Variants in CYP4F22 observed in about 807,000 individuals in gnomAD.
CYP4F22 encodes ultra-long-chain fatty acid omega-hydroxylase.
A neutral mutation model predicts 60.4 loss-of-function variants in CYP4F22; 37 were observed. That is an observed-to-expected ratio of 0.61 (90% CI 0.47 to 0.81). CYP4F22 has a LOEUF of 0.81. Ranked by LOEUF, CYP4F22 falls within the 30% of genes least tolerant of loss-of-function variation. The pLI, the probability that CYP4F22 is intolerant of heterozygous loss-of-function variation, is 0.00. For synonymous variants in CYP4F22, 258 were observed against 280.5 expected (o/e 0.92, Z 0.80); for missense variants, 655 against 715.0 (o/e 0.92, Z 0.96).
chr19:15,508,916 C>G (rs1461645223), intron 1 of CYP4F22, among the ~76,000 whole-genome samples: 4 of 152,036 alleles, frequency 2.6e-5, no homozygotes, highest in Non-Finnish European at 1.5e-5. Flanking sequence ...CCAAAAGACC[C>G]CTCTGGTAGT....
At chr19:15,542,377 A>AT (rs1321335627) in intron 8 of CYP4F22, among the ~76,000 whole-genome samples, 2 of 150,472 alleles carry the variant, frequency 1.3e-5, no homozygotes, top group Admixed American at 6.6e-5. Flanking sequence ...ACTAAAAATA[A>AT]AAAAAAAATA....
At chr19:15,519,934 C>A (rs1971201607) in intron 1 of CYP4F22, among the ~76,000 whole-genome samples, 1 of 152,184 alleles carries the variant, frequency 6.6e-6, no homozygotes. Flanking sequence ...AACAGGGAAA[C>A]TGAGGACCAG....
intron 10 of CYP4F22, 124 bp downstream of exon 10, chr19:15,544,403 AT>A (rs1038918797): frequency 1.7e-6 from 2 of 1,178,410 alleles, no homozygotes; most frequent in African/African-American, 3.1e-5. Flanking sequence ...CTGAATTGCA[AT>A]TTCTTCAGCT....
chr19:15,537,750 T>C, intron 6 of CYP4F22, 88 bp downstream of exon 6: 1 of 1,606,808 alleles, frequency 6.2e-7, no homozygotes, highest in South Asian at 1.1e-5. Context: ...CCATGTGATG[T>C]CAGGAGCCCT....
intron 8 of CYP4F22, among the ~76,000 whole-genome samples, chr19:15,542,375 T>TA (rs71176430): frequency 0.61 from 90,576 of 148,508 alleles, 28,159 homozygotes; most frequent in South Asian, 0.71. Context: ...CTACTAAAAA[T>TA]AAAAAAAAAA....
At chr19:15,524,032 C>G (rs1041156316) in intron 2 of CYP4F22, among the ~76,000 whole-genome samples, 4 of 150,338 alleles carry the variant, frequency 2.7e-5, no homozygotes, top group Non-Finnish European at 5.9e-5. Context: ...TGCACTCCAG[C>G]CTGAGTGACA....
At chr19:15,514,514 C>T (rs148535481) in intron 1 of CYP4F22, among the ~76,000 whole-genome samples, 1,603 of 152,074 alleles carry the variant, frequency 0.011, 35 homozygotes, top group African/African-American at 0.036. Flanking sequence ...GGTGAAACCC[C>T]GTCTCTATTA....
chr19:15,542,804 G>T (rs753983226), intron 8 of CYP4F22, among the ~76,000 whole-genome samples: 1 of 152,124 alleles, frequency 6.6e-6, no homozygotes, highest in African/African-American at 2.4e-5. Context: ...AACATGTGGT[G>T]TTTGGTTTTC....
intron 1 of CYP4F22, among the ~76,000 whole-genome samples, chr19:15,517,908 C>T (rs182245617): frequency 2.8e-4 from 43 of 152,146 alleles, no homozygotes; most frequent in African/African-American, 8.0e-4. Flanking sequence ...GGCTCTGAGA[C>T]GGGAAGTTGC....
chr19:15,548,427 G>A (rs78265907), intron 11 of CYP4F22, among the ~76,000 whole-genome samples, 186 bp downstream of exon 11: 3 of 152,118 alleles, frequency 2.0e-5, no homozygotes, highest in Non-Finnish European at 2.9e-5. Context: ...AGATAGAGCC[G>A]GGTGAGTCCA....
intron 8 of CYP4F22, among the ~76,000 whole-genome samples, chr19:15,542,873 A>G (rs1258265611): frequency 2.0e-5 from 3 of 152,084 alleles, no homozygotes; most frequent in African/African-American, 4.8e-5. Context: ...GTCCCTGCAA[A>G]GGACATAATC....
In CYP4F22 at chr19:15,537,072, G is replaced by A. The variant is rs8113378; in HGVS notation, c.368-289G>A. Among the ~76,000 whole-genome samples the A allele has an allele frequency of 0.19, 29,244 of 152,114 alleles. 2,980 individuals are homozygous for A. The highest frequency in any genetic ancestry group is 0.24 in the Middle Eastern group (71 of 294). ...CCAGCACTTTGGGAGGCTGAGGTGGGTGGATCACTTGAGGTTAGGAGTTCG... is the reference window on the plus strand; with the variant it reads ...CCAGCACTTTGGGAGGCTGAGGTGGATGGATCACTTGAGGTTAGGAGTTCG... On this transcript the variant is annotated intron_variant, in intron 4 of 13. Transcript: ENST00000269703.
rs999463608 is a variant in CYP4F22 at position 15,537,169 on chromosome 19, C to T, written c.368-192C>T. ...CAAACAAATTAGCCGGGCATGGTGG[C>T]GGACACCTGTAATCCCAGCTACTCA... On this transcript the variant is annotated intron_variant, in intron 4 of 13. Transcript: ENST00000269703. Among the ~76,000 whole-genome samples, 42 of 152,110 alleles carry T rather than the reference C, an allele frequency of 2.8e-4. 1 individual carries two copies. The highest frequency in any genetic ancestry group is 7.7e-4 in the East Asian group (4 of 5,176).
At chr19:15,536,245 G>C (rs1368646311) in intron 4 of CYP4F22, among the ~76,000 whole-genome samples, 1 of 152,110 alleles carries the variant, frequency 6.6e-6, no homozygotes, top group East Asian at 1.9e-4. Context: ...AGGCTGAGGT[G>C]GGAGGATCGC....
In CYP4F22 at chr19:15,522,062, T is replaced by A. The variant is rs549344942; in HGVS notation, c.-108-1631T>A. On this transcript the variant is annotated intron_variant, in intron 1 of 13. Transcript: ENST00000269703. Reference sequence around the variant, plus strand: ...CGGTAGGCTGAGGCATGAGAATTGCTTGAACCCAGGAGGCGGAGGTTGCAG... The same window carrying A: ...CGGTAGGCTGAGGCATGAGAATTGCATGAACCCAGGAGGCGGAGGTTGCAG... Among the ~76,000 whole-genome samples, 6 of 151,572 alleles carry A rather than the reference T, an allele frequency of 4.0e-5. 1 individual carries two copies. Among genetic ancestry groups the A allele is most frequent in the African/African-American group, 1.5e-4 (6 of 41,296 alleles).
Position 15,509,898 on chromosome 19 carries a change from TTCCTTC to T in CYP4F22, c.-109+1316_-109+1321del, listed in dbSNP as rs1568350796. 2.1e-3 allele frequency among the ~76,000 whole-genome samples: 262 copies of T among 122,986 alleles called. 1 individual carries two copies. The highest frequency in any genetic ancestry group is 4.9e-3 in the African/African-American group (168 of 34,108). The allele number at this position is 122,986 out of a possible 152,430, so 80.7% of individuals were successfully genotyped here. A position where few individuals can be genotyped will look rare whatever the true frequency, so the allele number is the denominator to read the frequency against. ...CTTCCTTCCTTCCTTCCTTCCTTCCTTCCTTCCTTTCTTTCTTTCCTTCCTTCTTTC... is the reference window on the plus strand; with the variant it reads ...CTTCCTTCCTTCCTTCCTTCCTTCCTCTTTCTTTCTTTCCTTCCTTCTTTC... On this transcript the variant is annotated intron_variant, in intron 1 of 13. Coordinates refer to ENST00000269703, the MANE Select transcript of CYP4F22 (RefSeq NM_173483.4).
At chr19:15,531,900 T>C (rs1971346854) in intron 4 of CYP4F22, among the ~76,000 whole-genome samples, 1 of 151,536 alleles carries the variant, frequency 6.6e-6, no homozygotes, top group Non-Finnish European at 1.5e-5. Flanking sequence ...AGCCCAGGAG[T>C]TCAAGACCAG....
chr19:15,532,345 C>T (rs1451914007), intron 4 of CYP4F22, among the ~76,000 whole-genome samples: 1 of 150,064 alleles, frequency 6.7e-6, no homozygotes, highest in Non-Finnish European at 1.5e-5. Context: ...TTCTCCTCCC[C>T]ATCCCCCTCC....
intron 1 of CYP4F22, chr19:15,515,246 A>T (rs1971139979): frequency 5.4e-6 from 4 of 735,202 alleles, no homozygotes; most frequent in Non-Finnish European, 9.8e-6. Context: ...CTCTCGGCCC[A>T]CTAGAGGTAT....
Sources: gnomAD v4.1 joint callset for allele counts (sites outside exome capture counted in the v4.1 genomes callset) on GRCh38, gnomAD v4.1.1 for gene constraint, MANE v1.5 for transcripts, NCBI Gene and HGNC (gene_info 2026-07-23, HGNC 2026-07-21) for gene names.